The following SCRN2 variants were observed in gnomAD, a reference collection of about 807,000 sequenced individuals.
The protein encoded by SCRN2 is secernin 2, also known as secernin-2.
A neutral mutation model predicts 40.1 loss-of-function variants in SCRN2; 30 were observed. The observed-to-expected ratio is 0.75, with a 90% CI of 0.56 to 1.01. The LOEUF (loss-of-function observed/expected upper bound fraction) is 1.01, where lower values mean the gene tolerates loss of function less well. SCRN2 is among the 50% of genes least tolerant of loss of function. The probability of loss-of-function intolerance (pLI) is 0.00; values close to 1 mark genes in which losing one functional copy is unlikely to be tolerated. For missense variants in SCRN2, 526 were observed against 564.9 expected, an observed-to-expected ratio of 0.93 and a Z score of 0.70; for synonymous variants, 240 against 233.5, an observed-to-expected ratio of 1.03 and a Z score of -0.25.
At position 47,840,704 on chromosome 17, in the gene SCRN2, G is replaced by A. The variant is rs1480120446; in HGVS notation, c.140C>T (p.Pro47Leu). The A allele has an allele frequency of 3.7e-6, 6 of 1,605,754 alleles. No homozygotes were observed. The South Asian group carries it at 4.4e-5, about 12-fold the overall frequency. The change falls in exon 2 of 8, where the codon CCC (proline) becomes CTC (leucine). Residue 47 changes from proline (P) to leucine (L), a missense_variant. By Grantham distance (98) the Pro-to-Leu change is moderately conservative. Coordinates refer to ENST00000290216, the MANE Select transcript of SCRN2 (RefSeq NM_138355.4). ...GCTCCCAGGAGTGTGAGTGCCTGCGGGGACAAACACCACCTCCTGCACCTC... is the reference window on the plus strand; with the variant it reads ...GCTCCCAGGAGTGTGAGTGCCTGCGAGGACAAACACCACCTCCTGCACCTC... ...RDEVQEVVFVPAGTHTPGSRL... is the reference protein window; with the variant it reads ...RDEVQEVVFVLAGTHTPGSRL...
chr17:47,841,178 C>T (rs1188615894), intron 1 of SCRN2, 30 bp downstream of exon 1: 2 of 230,856 alleles, frequency 8.7e-6, no homozygotes, highest in Non-Finnish European at 1.7e-5. Flanking sequence ...TCCAACCCTT[C>T]TCTCACCCCC....
rs74557475 is a variant in SCRN2 at position 47,840,517 on chromosome 17, T to C, written c.175-145A>G. On this transcript the variant is annotated intron_variant, in intron 2 of 7. Transcript: ENST00000290216. Reference sequence around the variant, plus strand: ...AGAGGAAACTGAGGTAGACTGAGGCTACATAATGAGCTCAGGTCCAGGTTG... The same window carrying C: ...AGAGGAAACTGAGGTAGACTGAGGCCACATAATGAGCTCAGGTCCAGGTTG... The C allele has an allele frequency of 7.3e-4, 903 of 1,228,654 alleles. 2 individuals are homozygous for C. In the African/African-American group the frequency reaches 0.012, roughly 17 times the overall value. The allele number at this position is 1,228,654 out of a possible 1,614,324, so 76.1% of individuals were successfully genotyped here.
chr17:47,840,107 G>T, intron 3 of SCRN2, 84 bp downstream of exon 3: 2 of 1,410,990 alleles, frequency 1.4e-6, no homozygotes, highest in African/African-American at 1.4e-5. Context: ...AACCAGGCTG[G>T]GGGAGGGATG....
chr17:47,837,900 C>T lies in SCRN2; in HGVS notation c.1222G>A (p.Glu408Lys). The T allele has an allele frequency of 1.2e-6, 2 of 1,604,748 alleles. No homozygotes were observed. Among genetic ancestry groups the T allele is most frequent in the Non-Finnish European group, 1.7e-6 (2 of 1,179,630 alleles). The part of the protein sequence containing the change: ...LAGEWAPPLW[E>K]LGSLFQAFVK... ...AAGGCCTGGAAGAGGCTGCCCAGCTCCCAGAGGGGTGGGGCCCACTCGCCG... is the reference window on the plus strand; with the variant it reads ...AAGGCCTGGAAGAGGCTGCCCAGCTTCCAGAGGGGTGGGGCCCACTCGCCG... Residue 408 changes from glutamate to lysine, a missense_variant, in exon 8 of 8, where the codon GAG becomes AAG. Physicochemically the swap from Glu to Lys is moderately conservative, Grantham distance 56. Transcript: ENST00000290216.
intron 5 of SCRN2, 46 bp downstream of exon 5, chr17:47,838,745 C>T: frequency 6.2e-7 from 1 of 1,610,242 alleles, no homozygotes; most frequent in Non-Finnish European, 8.5e-7. Context: ...GTGGCTGGCA[C>T]TGCTGTGGCC....
intron 5 of SCRN2, 33 bp from the exon 6 acceptor site, chr17:47,838,729 G>A (rs2033754733): frequency 2.5e-6 from 4 of 1,611,376 alleles, no homozygotes; most frequent in East Asian, 4.5e-5. Context: ...GCTGTGGGAG[G>A]GGAGAGTGGC....
chr17:47,839,321 T>G, intron 4 of SCRN2, 123 bp downstream of exon 4: 1 of 991,382 alleles, frequency 1.0e-6, no homozygotes, highest in Non-Finnish European at 1.5e-6. Flanking sequence ...GGGAGGAGAA[T>G]TCCCAAGTGG....
At chr17:47,838,754 C>T (rs1467368074) in intron 5 of SCRN2, 37 bp downstream of exon 5, 6 of 1,610,170 alleles carry the variant, frequency 3.7e-6, no homozygotes, top group Non-Finnish European at 5.1e-6. Context: ...ACTGCTGTGG[C>T]CCTCCTGGCC....
intron 2 of SCRN2, 66 bp from the exon 3 acceptor site, chr17:47,840,438 C>T: frequency 2.6e-6 from 4 of 1,538,844 alleles, no homozygotes; most frequent in Non-Finnish European, 2.7e-6. Flanking sequence ...GTGTGGCACT[C>T]TGCCAATTAC....
At chr17:47,838,142 G>A in intron 7 of SCRN2, 128 bp downstream of exon 7, 1 of 1,521,506 alleles carries the variant, frequency 6.6e-7, no homozygotes, top group East Asian at 2.3e-5. Flanking sequence ...TGGCTTTGAA[G>A]GGAGGAACTC....
Position 47,837,784 on chromosome 17 carries a change from T to C in SCRN2, c.*60A>G. On this transcript the variant is annotated 3_prime_UTR_variant, in exon 8 of 8. Coordinates refer to ENST00000290216, the MANE Select transcript of SCRN2 (RefSeq NM_138355.4). ...AGGGATTGCTCCACTTTACCACCAC[T>C]CAGGGCACCCAGGCCCCAGGGGTCC... 2.0e-6 allele frequency: 3 copies of C among 1,521,574 alleles called. No individual in the cohort carries two copies. In the South Asian group the frequency reaches 3.8e-5, roughly 19 times the overall value. 94.3% of individuals were successfully genotyped at this position (1,521,574 alleles called of 1,614,324 possible).
chr17:47,840,998 G>A (rs995994314), intron 1 of SCRN2, 155 bp from the exon 2 acceptor site: 13 of 623,524 alleles, frequency 2.1e-5, no homozygotes, highest in Non-Finnish European at 2.6e-5. Flanking sequence ...GAACGGAGGT[G>A]CCCACCCTCT....
chr17:47,840,820 G>T lies in SCRN2; in HGVS notation c.24C>A (p.Ser8=). MASSSPD[S]PCSCDCFVSV... ...AGACAAAGCAGTCGCAGGAACATGG[G>T]GAGTCAGGGCTCGACGACGCCATCT... The change falls in exon 2 of 8, where the codon TCC becomes TCA. Residue 8 remains serine, a synonymous_variant. Coordinates refer to ENST00000290216, the MANE Select transcript of SCRN2 (RefSeq NM_138355.4). 6.5e-7 allele frequency: 1 copy of T among 1,549,580 alleles called. No individual in the cohort carries two copies. Among genetic ancestry groups the T allele is most frequent in the Non-Finnish European group, 8.7e-7 (1 of 1,144,634 alleles).
At chr17:47,838,123 G>C (rs758225207) in intron 7 of SCRN2, 121 bp from the exon 8 acceptor site, 13 of 1,523,964 alleles carry the variant, frequency 8.5e-6, no homozygotes, top group Non-Finnish European at 1.1e-5. Context: ...ATTCCCCAAA[G>C]GCAGTTGCTG....
chr17:47,840,602 G>A (rs1474121231), intron 2 of SCRN2, 68 bp downstream of exon 2: 5 of 1,492,774 alleles, frequency 3.3e-6, no homozygotes, highest in African/African-American at 1.4e-5. Context: ...GTGGGGAGCA[G>A]GGAAGAAGGT....
chr17:47,840,364 G>A lies in SCRN2; in HGVS notation c.183C>T (p.Tyr61=), dbSNP rs571474941. Residue 61 remains tyrosine (Y), a synonymous_variant, in exon 3 of 8, where the codon TAC becomes TAT. Coordinates refer to ENST00000290216, the MANE Select transcript of SCRN2 (RefSeq NM_138355.4). ...TCTTCGACACCTGTTCCACTTCAAT[G>A]TAGGTGCACTGGAGGTGAGGGAGGA... ...HTPGSRLQCT[Y]IEVEQVSKTH... 4 of 1,614,072 alleles carry A rather than the reference G, an allele frequency of 2.5e-6. No individual in the cohort carries two copies. Among genetic ancestry groups the A allele is most frequent in the South Asian group, 1.1e-5 (1 of 91,088 alleles).
At chr17:47,841,107 C>T (rs1285464968) in intron 1 of SCRN2, 101 bp downstream of exon 1, 2 of 362,244 alleles carry the variant, frequency 5.5e-6, no homozygotes, top group Non-Finnish European at 1.0e-5. Flanking sequence ...GACCGTCCCC[C>T]TCGCTACCCC....
intron 2 of SCRN2, 124 bp from the exon 3 acceptor site, chr17:47,840,496 G>A: frequency 1.5e-6 from 2 of 1,293,204 alleles, no homozygotes; most frequent in Non-Finnish European, 2.1e-6. Context: ...TACAGAAGAG[G>A]AAACTGAGGT....
chr17:47,840,944 T>C, intron 1 of SCRN2, 101 bp from the exon 2 acceptor site: 1 of 1,159,674 alleles, frequency 8.6e-7, no homozygotes, highest in East Asian at 3.0e-5. Context: ...GACACCGCCG[T>C]GGCTCCTGGA....
Sources: gnomAD v4.1 joint callset for allele counts on GRCh38, gnomAD v4.1.1 for gene constraint, MANE v1.5 for transcripts, NCBI Gene and HGNC (gene_info 2026-07-23, HGNC 2026-07-21) for gene names.